The following CNTN1 variants were observed in gnomAD, a reference collection of about 807,000 sequenced individuals.
CNTN1 encodes the protein contactin-1.
CNTN1 carries 38 observed loss-of-function variants against 126.4 expected under a neutral mutation model. The ratio of observed to expected loss-of-function variants is 0.30; its 90% CI spans 0.23 to 0.39. CNTN1 has a LOEUF of 0.39. CNTN1 is among the 10% of genes least tolerant of loss of function. CNTN1 has a pLI of 1.00. For synonymous variants in CNTN1, 413 were observed against 422.6 expected, an observed-to-expected ratio of 0.98 and a Z score of 0.28; for missense variants, 1,009 against 1,248.4, an observed-to-expected ratio of 0.81 and a Z score of 2.89.
intron 1 of CNTN1, among the ~76,000 whole-genome samples, chr12:40,743,210 T>G (rs1448606802): frequency 6.6e-6 from 1 of 152,038 alleles, no homozygotes; most frequent in African/African-American, 2.4e-5. Flanking sequence ...GTCTTTCTAT[T>G]GAGTTTGGAA....
At chr12:41,004,515 ATCTG>A (rs1430831288) in intron 17 of CNTN1, among the ~76,000 whole-genome samples, 3 of 152,168 alleles carry the variant, frequency 2.0e-5, no homozygotes, top group East Asian at 1.9e-4. Flanking sequence ...CATCTTGATG[ATCTG>A]TCTAATATTG....
intron 16 of CNTN1, among the ~76,000 whole-genome samples, chr12:40,986,740 G>A (rs1357717868): frequency 3.9e-5 from 6 of 152,086 alleles, no homozygotes; most frequent in African/African-American, 7.2e-5. Flanking sequence ...TTGTAGTATC[G>A]GTGCCGCAGA....
intron 17 of CNTN1, among the ~76,000 whole-genome samples, chr12:41,012,667 C>A (rs985772910): frequency 6.6e-6 from 1 of 152,188 alleles, no homozygotes; most frequent in Non-Finnish European, 1.5e-5. Flanking sequence ...TCTCCATGTT[C>A]TCCCCAGTAA....
intron 1 of CNTN1, among the ~76,000 whole-genome samples, chr12:40,819,740 C>T (rs1232305856): frequency 1.3e-5 from 2 of 152,356 alleles, no homozygotes; most frequent in East Asian, 3.9e-4. Context: ...CAGATTCCAG[C>T]TGAGAGGCTG....
chr12:40,854,639 C>A (rs1437397116), intron 1 of CNTN1, among the ~76,000 whole-genome samples: 2 of 152,078 alleles, frequency 1.3e-5, no homozygotes, highest in Non-Finnish European at 2.9e-5. Context: ...CAAGTGAAAG[C>A]TTTTCACTTC....
intron 1 of CNTN1, among the ~76,000 whole-genome samples, chr12:40,707,070 A>AGTG (rs1565626032): frequency 4.0e-5 from 6 of 150,646 alleles, no homozygotes; most frequent in African/African-American, 7.4e-5. Flanking sequence ...ACACACACAC[A>AGTG]CACACACACA....
intron 1 of CNTN1, among the ~76,000 whole-genome samples, chr12:40,777,327 G>T (rs1225390952): frequency 6.6e-6 from 1 of 150,646 alleles, no homozygotes; most frequent in Non-Finnish European, 1.5e-5. Context: ...AAACCTTTCT[G>T]TGTGTATATA....
At chr12:40,739,127 T>A (rs1360041719) in intron 1 of CNTN1, among the ~76,000 whole-genome samples, 3 of 152,050 alleles carry the variant, frequency 2.0e-5, no homozygotes, top group African/African-American at 7.2e-5. Context: ...TAGTGTGCAG[T>A]GGAGCTTAAG....
rs534939509 is a variant in CNTN1 at position 41,065,508 on chromosome 12, G to A, written c.2981-4451G>A. 1.7e-3 allele frequency among the ~76,000 whole-genome samples: 253 copies of A among 152,232 alleles called. 1 individual carries two copies. The highest frequency in any genetic ancestry group is 2.0e-3 in the Non-Finnish European group (138 of 68,046). On this transcript the variant is annotated intron_variant, in intron 23 of 23. Coordinates refer to ENST00000551295, the MANE Select transcript of CNTN1 (RefSeq NM_001843.4). ...CACCAGAGCAATCATGGAATACCAT[G>A]CAGGTGCGAAGGAGAAGTGTCTTAT... is the stretch of plus-strand genomic sequence containing the variant.
chr12:40,791,082 T>G (rs1021886709), intron 1 of CNTN1, among the ~76,000 whole-genome samples: 1 of 152,174 alleles, frequency 6.6e-6, no homozygotes. Context: ...TTATTACTTG[T>G]TTCCGTTAGC....
At chr12:41,037,394 T>G (rs552590097) in intron 23 of CNTN1, among the ~76,000 whole-genome samples, 1 of 152,114 alleles carries the variant, frequency 6.6e-6, no homozygotes, top group African/African-American at 2.4e-5. Context: ...TGTATATATA[T>G]ATACAAATAC....
chr12:40,788,338 C>T (rs1249183289), intron 1 of CNTN1, among the ~76,000 whole-genome samples: 1 of 152,130 alleles, frequency 6.6e-6, no homozygotes. Context: ...CTTCATGATA[C>T]CATCTGTCAT....
At position 40,850,172 on chromosome 12, in the gene CNTN1, T is replaced by C. The variant is rs191132578; in HGVS notation, c.-76-58185T>C. Among the ~76,000 whole-genome samples the C allele has an allele frequency of 8.5e-5, 13 of 152,262 alleles. 1 individual carries two copies. The highest frequency in any genetic ancestry group is 7.8e-4 in the Admixed American group (12 of 15,306). On this transcript the variant is annotated intron_variant, in intron 1 of 23. Coordinates refer to ENST00000551295, the MANE Select transcript of CNTN1 (RefSeq NM_001843.4). ...CACCCAACAATTTGCTAATTTTTCCTGAACTCTCCTTCCATGGACATGCCC... is the reference window on the plus strand; with the variant it reads ...CACCCAACAATTTGCTAATTTTTCCCGAACTCTCCTTCCATGGACATGCCC...
Position 41,014,209 on chromosome 12 carries a change from A to G in CNTN1, c.2114-19A>G, listed in dbSNP as rs557181048. 3.7e-6 allele frequency: 6 copies of G among 1,613,004 alleles called. No homozygotes were observed. The African/African-American group carries it at 5.3e-5, about 14-fold the overall frequency. On this transcript the variant is annotated intron_variant, in intron 17 of 23. Coordinates refer to ENST00000551295, the MANE Select transcript of CNTN1 (RefSeq NM_001843.4). ...CTCTTTTTGTTGTTGTTTTGCATAT[A>G]TTTGTTTGTTTGTTTCAGCACCAAA...
At chr12:40,977,313 G>C (rs1411264495) in intron 15 of CNTN1, among the ~76,000 whole-genome samples, 1 of 152,146 alleles carries the variant, frequency 6.6e-6, no homozygotes, top group Non-Finnish European at 1.5e-5. Context: ...CAGGTAGCAA[G>C]CTTCAGAAAA....
intron 1 of CNTN1, among the ~76,000 whole-genome samples, chr12:40,705,687 A>G (rs1298991910): frequency 1.3e-5 from 2 of 152,180 alleles, no homozygotes; most frequent in Non-Finnish European, 2.9e-5. Context: ...CCATTCCTGC[A>G]TTGCTATAAC....
chr12:40,897,375 T>G (rs1020271696), intron 1 of CNTN1, among the ~76,000 whole-genome samples: 1 of 152,194 alleles, frequency 6.6e-6, no homozygotes, highest in African/African-American at 2.4e-5. Flanking sequence ...TTTTGAAGTT[T>G]GAGAATTTGC....
chr12:40,906,051 G>A lies in CNTN1; in HGVS notation c.-76-2306G>A, dbSNP rs1000798066. Among the ~76,000 whole-genome samples the A allele has an allele frequency of 7.2e-5, 11 of 152,254 alleles. No homozygotes were observed. In the South Asian group the frequency reaches 1.0e-3, roughly 14 times the overall value. On this transcript the variant is annotated intron_variant, in intron 1 of 23. Coordinates refer to ENST00000551295, the MANE Select transcript of CNTN1 (RefSeq NM_001843.4). ...AGCACTTTGGGAGGCCGAGGCGGGC[G>A]GATCACGAGGTCAGGAGATCGAGAC... is the stretch of plus-strand genomic sequence containing the variant.
At chr12:40,770,847 T>A (rs1437565101) in intron 1 of CNTN1, among the ~76,000 whole-genome samples, 3 of 152,124 alleles carry the variant, frequency 2.0e-5, no homozygotes, top group Non-Finnish European at 4.4e-5. Flanking sequence ...GCACATGGTA[T>A]ATGCAAAATA....
Sources: gnomAD v4.1 joint callset for allele counts (sites outside exome capture counted in the v4.1 genomes callset) on GRCh38, gnomAD v4.1.1 for gene constraint, MANE v1.5 for transcripts, NCBI Gene and HGNC (gene_info 2026-07-23, HGNC 2026-07-21) for gene names.